Variants in RNF170 observed in about 807,000 individuals in gnomAD.
RNF170 encodes ring finger protein 170, also known as E3 ubiquitin-protein ligase RNF170.
A neutral mutation model predicts 32.7 loss-of-function variants in RNF170; 12 were observed. The observed-to-expected ratio is 0.37, with a 90% CI of 0.24 to 0.60. The LOEUF (loss-of-function observed/expected upper bound fraction) is 0.60. Ranked by LOEUF, RNF170 falls within the 20% of genes least tolerant of loss-of-function variation. RNF170 has a pLI of 0.72. For missense variants in RNF170, 212 were observed against 311.2 expected (o/e 0.68, Z 2.40); for synonymous variants, 91 against 103.6 (o/e 0.88, Z 0.74).
chr8:42,882,393 T>G (rs1805484590), intron 2 of RNF170, among the ~76,000 whole-genome samples: 1 of 152,166 alleles, frequency 6.6e-6, no homozygotes, highest in Non-Finnish European at 1.5e-5. Flanking sequence ...AATTTTAAAT[T>G]TTAATATTTC....
intron 5 of RNF170, among the ~76,000 whole-genome samples, chr8:42,863,980 A>AGTGTGTGTGTGTGT (rs71231874): frequency 5.4e-4 from 75 of 139,584 alleles, no homozygotes; most frequent in African/African-American, 1.5e-3. Context: ...AGAGAGAGAG[A>AGTGTGTGTGTGTGT]GTGTGTGTGT....
rs908588832 is a variant in RNF170, at chr8:42,853,691, C to T, written c.*2468G>A. The T allele has an allele frequency of 3.1e-6, 4 of 1,287,074 alleles. No homozygotes were observed. The Admixed American group carries it at 9.2e-5, about 30-fold the overall frequency. 79.7% of individuals were successfully genotyped at this position (1,287,074 alleles called of 1,614,324 possible). Reference sequence around the variant, plus strand: ...GGAAGTATTACTATGATGTTCAAAACTCTGATTGACTCTACTTGCTTTAAA... The same window carrying T: ...GGAAGTATTACTATGATGTTCAAAATTCTGATTGACTCTACTTGCTTTAAA... On this transcript the variant is annotated 3_prime_UTR_variant, in exon 7 of 7. Transcript: ENST00000527424.
At chr8:42,887,246 A>G (rs1252272113) in intron 2 of RNF170, among the ~76,000 whole-genome samples, 1 of 152,202 alleles carries the variant, frequency 6.6e-6, no homozygotes, top group Non-Finnish European at 1.5e-5. Context: ...GAGCTGAGAC[A>G]GTGCCATGGC....
intron 2 of RNF170, among the ~76,000 whole-genome samples, chr8:42,885,199 T>G (rs536997376): frequency 6.6e-6 from 1 of 152,228 alleles, no homozygotes; most frequent in South Asian, 2.1e-4. Context: ...GCATCCATGT[T>G]GTTGAAAATG....
At chr8:42,859,264 A>G (rs898469002) in intron 6 of RNF170, among the ~76,000 whole-genome samples, 1 of 152,212 alleles carries the variant, frequency 6.6e-6, no homozygotes, top group Admixed American at 6.5e-5. Context: ...GGAAAAAAGT[A>G]GAAGTGAGGA....
chr8:42,862,385 T>C (rs1180668761), intron 5 of RNF170, among the ~76,000 whole-genome samples: 1 of 152,228 alleles, frequency 6.6e-6, no homozygotes, highest in Non-Finnish European at 1.5e-5. Context: ...ATTTTTGATA[T>C]TGTCATATAA....
At chr8:42,892,681 T>G (rs369465230) in intron 1 of RNF170, among the ~76,000 whole-genome samples, 43 of 151,926 alleles carry the variant, frequency 2.8e-4, no homozygotes, top group East Asian at 2.3e-3. Flanking sequence ...AGCGTTTTTT[T>G]TTTTTTTTTT....
intron 3 of RNF170, 145 bp from the exon 4 acceptor site, chr8:42,870,257 T>G: frequency 2.8e-6 from 2 of 706,438 alleles, no homozygotes; most frequent in Non-Finnish European, 5.2e-6. Context: ...GTTATAATTT[T>G]AAGAATGTTA....
chr8:42,870,469 G>A (rs1417108960), intron 3 of RNF170, among the ~76,000 whole-genome samples: 6 of 152,210 alleles, frequency 3.9e-5, no homozygotes, highest in African/African-American at 1.4e-4. Flanking sequence ...ACTCACGCCT[G>A]TAATCCCAGC....
intron 1 of RNF170, chr8:42,889,437 A>G (rs1438240451): frequency 6.6e-6 from 1 of 152,204 alleles, no homozygotes; most frequent in Admixed American, 6.5e-5. Context: ...TAAGGAATAT[A>G]TATTCAATTA....
Position 42,855,599 on chromosome 8 carries a change from TCA to T in RNF170, c.*558_*559del. 7.8e-7 allele frequency: 1 copy of T among 1,278,170 alleles called. No homozygotes were observed. The highest frequency in any genetic ancestry group is 1.0e-6 in the Non-Finnish European group (1 of 980,164). 79.2% of individuals were successfully genotyped at this position (1,278,170 alleles called of 1,614,324 possible). On this transcript the variant is annotated 3_prime_UTR_variant, in exon 7 of 7. Coordinates refer to ENST00000527424, the MANE Select transcript of RNF170 (RefSeq NM_030954.4). ...AAGTATGAAGTTCAAGTTTCTTCTT[TCA>T]GTTTCAGCTGATAGCAAATAATTAA... is the stretch of plus-strand genomic sequence containing the variant.
rs1163920166 is a variant in RNF170 at position 42,854,828 on chromosome 8, A to G, written c.*1331T>C. On this transcript the variant is annotated 3_prime_UTR_variant, in exon 7 of 7. Coordinates refer to ENST00000527424, the MANE Select transcript of RNF170 (RefSeq NM_030954.4). ...CCAGCTGAAGTGAGTAAGATCTCCC[A>G]GTACCATGTGGTACTGAGTCTTCTC... The G allele has an allele frequency of 7.8e-7, 1 of 1,287,190 alleles. No individual in the cohort carries two copies. The highest frequency in any genetic ancestry group is 1.0e-6 in the Non-Finnish European group (1 of 988,706). The allele number at this position is 1,287,190 out of a possible 1,614,324, so 79.7% of individuals were successfully genotyped here. A position where few individuals can be genotyped will look rare whatever the true frequency, so the allele number is the denominator to read the frequency against.
intron 5 of RNF170, among the ~76,000 whole-genome samples, chr8:42,863,792 C>T (rs1170525705): frequency 1.3e-5 from 2 of 152,124 alleles, no homozygotes; most frequent in African/African-American, 4.8e-5. Context: ...GCCAGAGAGG[C>T]ATATAGAAAC....
At chr8:42,872,473 ACT>A (rs1158299159) in intron 3 of RNF170, among the ~76,000 whole-genome samples, 1 of 151,990 alleles carries the variant, frequency 6.6e-6, no homozygotes, top group East Asian at 1.9e-4. Context: ...ACGGAGTCTC[ACT>A]CTCTGTCACC....
At chr8:42,879,136 G>A (rs1805180426) in intron 2 of RNF170, among the ~76,000 whole-genome samples, 1 of 152,104 alleles carries the variant, frequency 6.6e-6, no homozygotes, top group Non-Finnish European at 1.5e-5. Flanking sequence ...AGTCACCCAC[G>A]AGCTCTAATG....
intron 2 of RNF170, among the ~76,000 whole-genome samples, chr8:42,886,230 A>G (rs552765909): frequency 6.6e-6 from 1 of 151,988 alleles, no homozygotes; most frequent in South Asian, 2.1e-4. Context: ...TCTCAAAAAA[A>G]AAAATAATAA....
At chr8:42,867,356 A>C (rs1433773966) in intron 4 of RNF170, among the ~76,000 whole-genome samples, 14 of 151,458 alleles carry the variant, frequency 9.2e-5, no homozygotes. Context: ...CTGTAATCCC[A>C]GCTACTTGGG....
chr8:42,896,710 AC>A (rs1563283183), upstream of RNF170: 1 of 275,680 alleles, frequency 3.6e-6, no homozygotes, highest in Admixed American at 3.7e-5. Context: ...GCTCGCCTCG[AC>A]ACGCAGCGAA....
Position 42,855,259 on chromosome 8 carries a change from T to C in RNF170, c.*900A>G. The stretch of plus-strand genomic sequence containing the variant: ...TTTTTTTTTTTTTTGAGAGGGAGTC[T>C]CACTCTGTTGCCCAGGCTGGAGTGC... On this transcript the variant is annotated 3_prime_UTR_variant, in exon 7 of 7. Transcript: ENST00000527424. 1 of 1,253,534 alleles carries C rather than the reference T, an allele frequency of 8.0e-7. No individual in the cohort carries two copies. Among genetic ancestry groups the C allele is most frequent in the South Asian group, 1.3e-5 (1 of 79,570 alleles). The allele number at this position is 1,253,534 out of a possible 1,614,324, so 77.7% of individuals were successfully genotyped here. A position where few individuals can be genotyped will look rare whatever the true frequency, so the allele number is the denominator to read the frequency against.
Sources: allele counts gnomAD v4.1 joint callset (sites outside exome capture counted in the v4.1 genomes callset), GRCh38; gene constraint gnomAD v4.1.1; transcripts MANE v1.5; gene names NCBI Gene and HGNC (gene_info 2026-07-23, HGNC 2026-07-21).